Variants in SLC8A3 observed in about 807,000 individuals in gnomAD.
SLC8A3 encodes sodium/calcium exchanger 3.
SLC8A3 carries 37 observed loss-of-function variants against 65.4 expected under a neutral mutation model. The ratio of observed to expected loss-of-function variants is 0.57; its 90% confidence interval spans 0.44 to 0.74. SLC8A3 has a LOEUF of 0.74. Ranked by LOEUF, SLC8A3 falls within the 30% of genes least tolerant of loss-of-function variation. The probability of loss-of-function intolerance (pLI) is 0.00; values close to 1 mark genes in which losing one functional copy is unlikely to be tolerated. For missense variants in SLC8A3, 1,112 were observed against 1,172.1 expected (o/e 0.95, Z 0.75); for synonymous variants, 461 against 444.5 (o/e 1.04, Z -0.47).
chr14:70,113,735 T>C (rs1312382548), intron 2 of SLC8A3, among the ~76,000 whole-genome samples: 1 of 152,234 alleles, frequency 6.6e-6, no homozygotes, highest in Non-Finnish European at 1.5e-5. Flanking sequence ...TAAATCAACA[T>C]GCACAGATAG....
At chr14:70,106,479 T>C (rs1271329998) in intron 2 of SLC8A3, among the ~76,000 whole-genome samples, 3 of 152,184 alleles carry the variant, frequency 2.0e-5, no homozygotes, top group Non-Finnish European at 4.4e-5. Flanking sequence ...AATTATCTCA[T>C]ACAATGTTGG....
intron 2 of SLC8A3, among the ~76,000 whole-genome samples, chr14:70,078,106 T>C (rs1890700551): frequency 6.6e-6 from 1 of 152,256 alleles, no homozygotes; most frequent in African/African-American, 2.4e-5. Context: ...TCAGGGCTGC[T>C]ACCTTTCCAA....
chr14:70,177,072 C>T (rs1897953718), intron 1 of SLC8A3, among the ~76,000 whole-genome samples: 1 of 152,198 alleles, frequency 6.6e-6, no homozygotes, highest in African/African-American at 2.4e-5. Context: ...GTTCCAAACT[C>T]ATTTTTTTCC....
intron 2 of SLC8A3, among the ~76,000 whole-genome samples, chr14:70,142,125 T>A (rs980762219): frequency 6.6e-6 from 1 of 152,176 alleles, no homozygotes; most frequent in Non-Finnish European, 1.5e-5. Flanking sequence ...GAGACCCAAG[T>A]TGGGCTGATC....
chr14:70,065,138 G>C (rs1889274549), intron 2 of SLC8A3, among the ~76,000 whole-genome samples: 1 of 152,086 alleles, frequency 6.6e-6, no homozygotes, highest in South Asian at 2.1e-4. Flanking sequence ...AGGAGACTGA[G>C]GCCTTCAGTC....
At chr14:70,086,401 C>CTTTTTTTTTTTTTT (rs10605312) in intron 2 of SLC8A3, among the ~76,000 whole-genome samples, 4 of 116,144 alleles carry the variant, frequency 3.4e-5, no homozygotes, top group Non-Finnish European at 7.2e-5. Context: ...TTTCTTTTTT[C>CTTTTTTTTTTTTTT]TTTTTTTTTT....
intron 2 of SLC8A3, among the ~76,000 whole-genome samples, chr14:70,108,653 C>T (rs955297876): frequency 3.3e-5 from 5 of 152,188 alleles, no homozygotes; most frequent in Admixed American, 2.0e-4. Context: ...AGCTGCTGCT[C>T]ATGGTGGTGT....
intron 6 of SLC8A3, chr14:70,047,530 G>A (rs866361200): frequency 6.6e-6 from 1 of 152,158 alleles, no homozygotes; most frequent in African/African-American, 2.4e-5. Flanking sequence ...GCATTTCCAC[G>A]ATAGCTAAAT....
At chr14:70,092,644 C>G (rs1891883986) in intron 2 of SLC8A3, among the ~76,000 whole-genome samples, 1 of 152,186 alleles carries the variant, frequency 6.6e-6, no homozygotes, top group African/African-American at 2.4e-5. Context: ...TAAATGTTCT[C>G]TGACAGTCCA....
chr14:70,186,467 A>C (rs535542486), intron 1 of SLC8A3, among the ~76,000 whole-genome samples: 58 of 152,308 alleles, frequency 3.8e-4, no homozygotes, highest in African/African-American at 1.4e-3. Context: ...GAGTAGGAGT[A>C]CTTTAGGAGT....
At chr14:70,067,524 C>A (rs1889569201) in intron 2 of SLC8A3, among the ~76,000 whole-genome samples, 2 of 152,232 alleles carry the variant, frequency 1.3e-5, no homozygotes, top group Admixed American at 1.3e-4. Context: ...CAGTGCCTGG[C>A]ATACAGAACG....
chr14:70,078,869 C>T (rs1024804846), intron 2 of SLC8A3, among the ~76,000 whole-genome samples: 5 of 152,142 alleles, frequency 3.3e-5, no homozygotes, highest in African/African-American at 1.2e-4. Context: ...ATCATATAAA[C>T]CCATGGTTGA....
Position 70,167,216 on chromosome 14 carries a change from A to G in SLC8A3, c.1207T>C (p.Cys403Arg). 6.2e-7 allele frequency: 1 copy of G among 1,614,172 alleles called. No homozygotes were observed. ...CAGTTCTCCAGGCACTGGTAAGAAC[A>G]TGGGTCAAAGAAGACCTTGGAAATA... ...DFISKVFFDP[C>R]SYQCLENCGA... The change falls in exon 2 of 7, where the codon TGT (cysteine) becomes CGT (arginine). Residue 403 changes from cysteine to arginine, a missense_variant. Coordinates refer to ENST00000356921, the MANE Select transcript of SLC8A3 (RefSeq NM_182932.3).
At chr14:70,099,236 G>C (rs1480279058) in intron 2 of SLC8A3, among the ~76,000 whole-genome samples, 1 of 152,176 alleles carries the variant, frequency 6.6e-6, no homozygotes, top group Non-Finnish European at 1.5e-5. Flanking sequence ...GTCTGATTTA[G>C]CCCATGAGCT....
At chr14:70,098,556 C>T (rs3850425) in intron 2 of SLC8A3, among the ~76,000 whole-genome samples, 28,738 of 152,090 alleles carry the variant, frequency 0.19, 2,871 homozygotes, top group Non-Finnish European at 0.22. Flanking sequence ...ATGGGGGCAG[C>T]GGGAAGTTGG....
intron 1 of SLC8A3, among the ~76,000 whole-genome samples, chr14:70,185,517 C>G (rs894641678): frequency 2.6e-5 from 4 of 152,204 alleles, no homozygotes. Flanking sequence ...TGGGGGAGCA[C>G]AGGGCATGGG....
intron 2 of SLC8A3, among the ~76,000 whole-genome samples, chr14:70,062,949 GGCA>G (rs1388529917): frequency 1.3e-5 from 2 of 152,126 alleles, no homozygotes; most frequent in Non-Finnish European, 2.9e-5. Flanking sequence ...CCTCAGTACT[GGCA>G]GCTCCCTGCT....
rs529452495 is a variant in SLC8A3 at position 70,163,785 on chromosome 14, T to G, written c.1784+2854A>C. On this transcript the variant is annotated intron_variant, in intron 2 of 6. Coordinates refer to ENST00000356921, the MANE Select transcript of SLC8A3 (RefSeq NM_182932.3). ...GGGGCCCGCAGCATCCAGAACTTGT[T>G]AGAAATGCGGAATCTCAATCCCTCC... is the stretch of plus-strand genomic sequence containing the variant. Among the ~76,000 whole-genome samples the G allele has an allele frequency of 3.3e-4, 51 of 152,274 alleles. 2 individuals carry two copies. In the South Asian group the frequency reaches 0.01, roughly 30 times the overall value.
intron 2 of SLC8A3, among the ~76,000 whole-genome samples, chr14:70,132,676 T>C (rs1894922330): frequency 6.6e-6 from 1 of 152,148 alleles, no homozygotes; most frequent in African/African-American, 2.4e-5. Flanking sequence ...GGCAATCTGG[T>C]GTTAAAAGAG....
Sources: gnomAD v4.1 joint callset for allele counts (sites outside exome capture counted in the v4.1 genomes callset) on GRCh38, gnomAD v4.1.1 for gene constraint, MANE v1.5 for transcripts, NCBI Gene and HGNC (gene_info 2026-07-23, HGNC 2026-07-21) for gene names.